SPIRE1: variants seen among roughly 807,000 people sequenced by gnomAD.
SPIRE1 encodes protein spire homolog 1.
A neutral mutation model predicts 94.1 loss-of-function variants in SPIRE1; 40 were observed. The observed-to-expected ratio is 0.43, with a 90% CI of 0.33 to 0.55. The LOEUF is 0.55. Among genes scored for constraint, SPIRE1 ranks in the 20% least tolerant of loss-of-function variants. SPIRE1 has a pLI of 0.06. For synonymous variants in SPIRE1, 376 were observed against 371.7 expected (o/e 1.01, Z -0.13); for missense variants, 838 against 975.2 (o/e 0.86, Z 1.87).
chr18:12,572,558 A>C (rs1459509949), intron 2 of SPIRE1, among the ~76,000 whole-genome samples: 4 of 152,186 alleles, frequency 2.6e-5, no homozygotes, highest in Non-Finnish European at 5.9e-5. Context: ...GCAGTGAGCC[A>C]TGTTGGCACC....
At chr18:12,464,728 T>G in intron 11 of SPIRE1, 140 bp downstream of exon 11, 1 of 642,326 alleles carries the variant, frequency 1.6e-6, no homozygotes, top group Non-Finnish European at 2.7e-6. Context: ...AATAAGTATT[T>G]CATCTCCCGA....
At chr18:12,569,636 CA>C (rs71172101) in intron 2 of SPIRE1, among the ~76,000 whole-genome samples, 23 of 141,986 alleles carry the variant, frequency 1.6e-4, no homozygotes, top group African/African-American at 3.1e-4. Flanking sequence ...ACAACAACAA[CA>C]AAAAAAAAAA....
At chr18:12,456,811 G>A (rs550287823) in intron 12 of SPIRE1, among the ~76,000 whole-genome samples, 1 of 152,174 alleles carries the variant, frequency 6.6e-6, no homozygotes, top group Non-Finnish European at 1.5e-5. Flanking sequence ...TGACCCACAT[G>A]AAAATCCAGT....
chr18:12,465,404 G>A (rs570751590), intron 10 of SPIRE1, among the ~76,000 whole-genome samples: 6 of 152,144 alleles, frequency 3.9e-5, no homozygotes, highest in Admixed American at 1.3e-4. Context: ...GAGCTCAAGC[G>A]ATCCTCCCAA....
chr18:12,456,111 CA>C (rs1232703638), intron 12 of SPIRE1, among the ~76,000 whole-genome samples: 1 of 152,120 alleles, frequency 6.6e-6, no homozygotes, highest in East Asian at 1.9e-4. Flanking sequence ...TATAAGAGGA[CA>C]GGGGGATGAG....
chr18:12,492,591 T>C (rs1011686340), intron 8 of SPIRE1, among the ~76,000 whole-genome samples: 6 of 152,220 alleles, frequency 3.9e-5, no homozygotes, highest in Non-Finnish European at 8.8e-5. Flanking sequence ...TGTACATCTA[T>C]CATCTATATT....
intron 8 of SPIRE1, among the ~76,000 whole-genome samples, chr18:12,491,081 C>T (rs1273262080): frequency 6.6e-6 from 1 of 151,880 alleles, no homozygotes; most frequent in Non-Finnish European, 1.5e-5. Context: ...CCATTGACAA[C>T]AGCACCAAAA....
At chr18:12,476,729 C>T (rs2032619159) in intron 10 of SPIRE1, among the ~76,000 whole-genome samples, 1 of 150,752 alleles carries the variant, frequency 6.6e-6, no homozygotes, top group Admixed American at 6.6e-5. Flanking sequence ...TAAAAAGGAA[C>T]ATAAGGCATT....
chr18:12,462,376 T>A lies in SPIRE1; in HGVS notation c.1638+975A>T, dbSNP rs545141630. Among the ~76,000 whole-genome samples, 3 of 152,372 alleles carry A rather than the reference T, an allele frequency of 2.0e-5. No homozygotes were observed. The East Asian group carries it at 5.8e-4, about 29-fold the overall frequency. ...CATGAATATTTGAAAACACATTAGA[T>A]ATTTGACTGTGGGTAGAATATTAAT... is the stretch of plus-strand genomic sequence containing the variant. On this transcript the variant is annotated intron_variant, in intron 12 of 16. Coordinates refer to ENST00000409402, the MANE Select transcript of SPIRE1 (RefSeq NM_001128626.2).
chr18:12,467,132 T>C (rs900140201), intron 10 of SPIRE1, among the ~76,000 whole-genome samples: 6 of 151,910 alleles, frequency 3.9e-5, no homozygotes, highest in Non-Finnish European at 7.4e-5. Flanking sequence ...ATATAAAAAT[T>C]AGCTGGATGG....
chr18:12,643,838 C>T (rs1311061336), intron 1 of SPIRE1, among the ~76,000 whole-genome samples: 1 of 151,744 alleles, frequency 6.6e-6, no homozygotes, highest in African/African-American at 2.4e-5. Flanking sequence ...TTTTATTATA[C>T]TTATGAATAC....
At chr18:12,635,894 TG>T (rs201131269) in intron 1 of SPIRE1, among the ~76,000 whole-genome samples, 3 of 151,762 alleles carry the variant, frequency 2.0e-5, no homozygotes, top group African/African-American at 4.8e-5. Context: ...TGGTTTTTTT[TG>T]TTTTTTTTTT....
chr18:12,576,508 G>A (rs12958294), intron 2 of SPIRE1, among the ~76,000 whole-genome samples: 1 of 141,714 alleles, frequency 7.1e-6, no homozygotes, highest in African/African-American at 2.7e-5. Flanking sequence ...CTTGAACCCA[G>A]AAGGCGGAGG....
intron 1 of SPIRE1, among the ~76,000 whole-genome samples, chr18:12,650,518 G>A (rs1332701708): frequency 6.6e-6 from 1 of 151,984 alleles, no homozygotes; most frequent in Non-Finnish European, 1.5e-5. Flanking sequence ...AGACCATCCT[G>A]GCTAATATGG....
chr18:12,539,616 T>A (rs542261125), intron 3 of SPIRE1, among the ~76,000 whole-genome samples: 6 of 136,986 alleles, frequency 4.4e-5, no homozygotes, highest in African/African-American at 1.4e-4. Flanking sequence ...CACACACACG[T>A]TGGGAATAAC....
intron 5 of SPIRE1, among the ~76,000 whole-genome samples, chr18:12,506,961 C>T (rs2033854603): frequency 6.6e-6 from 1 of 152,086 alleles, no homozygotes; most frequent in African/African-American, 2.4e-5. Context: ...GATTATATTT[C>T]CCACACCCTG....
Position 12,446,740 on chromosome 18 carries a change from TTG to T in SPIRE1, c.*2896_*2897del, listed in dbSNP as rs1209599926. 1 of 152,180 alleles carries T rather than the reference TTG, an allele frequency of 6.6e-6. No individual in the cohort carries two copies. Among genetic ancestry groups the T allele is most frequent in the African/African-American group, 2.4e-5 (1 of 41,450 alleles). The allele number at this position is 152,180 out of a possible 1,614,324, so 9.4% of individuals were successfully genotyped here. Reference sequence around the variant, plus strand: ...TGCTTTAGCAAACAGCAATAAACTTTTGTGTTTCCTATATGACACCTAATATC... The same window carrying T: ...TGCTTTAGCAAACAGCAATAAACTTTTGTTTCCTATATGACACCTAATATC... On this transcript the variant is annotated 3_prime_UTR_variant, in exon 17 of 17. Transcript: ENST00000409402.
chr18:12,585,028 A>T (rs928413157), intron 2 of SPIRE1, among the ~76,000 whole-genome samples: 2 of 151,866 alleles, frequency 1.3e-5, no homozygotes, highest in Non-Finnish European at 2.9e-5. Flanking sequence ...CTGCTCTCGA[A>T]CTCTTGACCT....
At chr18:12,611,088 C>T (rs60239604) in intron 2 of SPIRE1, among the ~76,000 whole-genome samples, 13 of 152,276 alleles carry the variant, frequency 8.5e-5, no homozygotes, top group African/African-American at 2.6e-4. Flanking sequence ...TATACTGGAT[C>T]GTTACTGGTG....
Sources: allele counts gnomAD v4.1 joint callset (sites outside exome capture counted in the v4.1 genomes callset), GRCh38; gene constraint gnomAD v4.1.1; transcripts MANE v1.5; gene names NCBI Gene and HGNC (gene_info 2026-07-23, HGNC 2026-07-21).